RCC2: variants seen among roughly 807,000 people sequenced by gnomAD.
RCC2 encodes protein RCC2.
In RCC2, 19 loss-of-function variants were observed where a neutral mutation model predicts 64.1. That is an observed-to-expected ratio of 0.30 (90% CI 0.21 to 0.44). The LOEUF is 0.44. Among genes scored for constraint, RCC2 ranks in the 20% least tolerant of loss-of-function variants. The pLI, the probability that RCC2 is intolerant of heterozygous loss-of-function variation, is 1.00. For synonymous variants in RCC2, 325 were observed against 279.6 expected, an observed-to-expected ratio of 1.16 and a Z score of -1.62; for missense variants, 508 against 710.4, an observed-to-expected ratio of 0.72 and a Z score of 3.24.
At chr1:17,413,459 T>G in intron 9 of RCC2, 78 bp downstream of exon 9, 1 of 1,413,872 alleles carries the variant, frequency 7.1e-7, no homozygotes, top group East Asian at 2.3e-5. Flanking sequence ...GAATTGGGGT[T>G]CGTGGTCTAG....
Position 17,438,242 on chromosome 1 carries a change from G to A in RCC2, c.273C>T (p.Thr91=). 7.6e-7 allele frequency: 1 copy of A among 1,322,422 alleles called. No individual in the cohort carries two copies. Among genetic ancestry groups the A allele is most frequent in the Non-Finnish European group, 9.8e-7 (1 of 1,017,546 alleles). 81.9% of individuals were successfully genotyped at this position (1,322,422 alleles called of 1,614,324 possible). ...AAVVITEPEH[T]KERVKLEGSK... ...GACCCTCACTCACGACGCGCTCCTT[G>A]GTGTGCTCGGGTTCGGTGATGACCA... The change falls in exon 2 of 13, where the codon ACC becomes ACT. Residue 91 remains threonine, a synonymous_variant. Coordinates refer to ENST00000375436, the MANE Select transcript of RCC2 (RefSeq NM_018715.4).
At chr1:17,436,374 C>G (rs2075735674) in intron 2 of RCC2, among the ~76,000 whole-genome samples, 1 of 152,138 alleles carries the variant, frequency 6.6e-6, no homozygotes, top group African/African-American at 2.4e-5. Context: ...TGTGGTGGAA[C>G]ACACTTGTAA....
chr1:17,439,328 T>A (rs1465868593), intron 1 of RCC2, among the ~76,000 whole-genome samples: 1 of 132,256 alleles, frequency 7.6e-6, no homozygotes, highest in African/African-American at 3.1e-5. Context: ...CTCCCCTGTC[T>A]GCTTTTTTTT....
At chr1:17,426,959 C>T (rs1478726500) in intron 3 of RCC2, among the ~76,000 whole-genome samples, 2 of 151,928 alleles carry the variant, frequency 1.3e-5, no homozygotes, top group African/African-American at 4.8e-5. Flanking sequence ...GAGGGTTTCA[C>T]CATATTGGCC....
Position 17,412,058 on chromosome 1 carries a change from C to A in RCC2, c.1386+64G>T, listed in dbSNP as rs1169433178. ...GTTTTGGGAGACAGGTGGAGAGAACCCAAAGGCCATGAGCCACCCTGACTG... is the reference window on the plus strand; with the variant it reads ...GTTTTGGGAGACAGGTGGAGAGAACACAAAGGCCATGAGCCACCCTGACTG... On this transcript the variant is annotated intron_variant, in intron 11 of 12. Coordinates refer to ENST00000375436, the MANE Select transcript of RCC2 (RefSeq NM_018715.4). The A allele has an allele frequency of 2.7e-6, 4 of 1,455,174 alleles. No individual in the cohort carries two copies. In the Admixed American group the frequency reaches 6.8e-5, roughly 25 times the overall value. The allele number at this position is 1,455,174 out of a possible 1,614,324, so 90.1% of individuals were successfully genotyped here. A position where few individuals can be genotyped will look rare whatever the true frequency, so the allele number is the denominator to read the frequency against.
intron 8 of RCC2, among the ~76,000 whole-genome samples, chr1:17,415,157 C>T (rs1179266677): frequency 2.6e-5 from 4 of 152,216 alleles, no homozygotes; most frequent in African/African-American, 9.6e-5. Context: ...CTTTATTTCC[C>T]CTGACTACAT....
chr1:17,420,337 A>C (rs1231505764), intron 7 of RCC2, among the ~76,000 whole-genome samples: 1 of 152,258 alleles, frequency 6.6e-6, no homozygotes, highest in Admixed American at 6.5e-5. Flanking sequence ...CAGGGTTTCC[A>C]GAACAACGTT....
Position 17,409,011 on chromosome 1 carries a change from CG to C in RCC2, c.*78del. The C allele has an allele frequency of 8.9e-7, 1 of 1,123,086 alleles. No individual in the cohort carries two copies. The highest frequency in any genetic ancestry group is 1.2e-5 in the South Asian group (1 of 80,164). 69.6% of individuals were successfully genotyped at this position (1,123,086 alleles called of 1,614,324 possible). A position where few individuals can be genotyped will look rare whatever the true frequency, so the allele number is the denominator to read the frequency against. On this transcript the variant is annotated 3_prime_UTR_variant, in exon 13 of 13. Transcript: ENST00000375436. ...TCAACTTTTGCTTTTTTAAATTCCT[CG>C]TTTGACTTCCCGTCCCAGTGCACAT...
intron 10 of RCC2, among the ~76,000 whole-genome samples, chr1:17,412,843 A>G (rs1234081753): frequency 2.0e-5 from 3 of 152,192 alleles, no homozygotes; most frequent in Non-Finnish European, 4.4e-5. Context: ...AAACCTTCAA[A>G]ATGACTTTCT....
chr1:17,422,132 C>G, intron 6 of RCC2, 71 bp downstream of exon 6: 1 of 1,124,028 alleles, frequency 8.9e-7, no homozygotes, highest in Non-Finnish European at 1.3e-6. Context: ...ACGGAGACCC[C>G]ACCTTAGAAA....
rs2075444584 is a variant in RCC2 at position 17,413,096 on chromosome 1, C to G, written c.1290G>C (p.Trp430Cys). 1 of 1,613,816 alleles carries G rather than the reference C, an allele frequency of 6.2e-7. No individual in the cohort carries two copies. The highest frequency in any genetic ancestry group is 1.3e-5 in the African/African-American group (1 of 74,920). The change falls in exon 10 of 13, where the codon TGG (tryptophan) becomes TGC (cysteine). Residue 430 changes from tryptophan (W) to cysteine (C), a missense_variant. Transcript: ENST00000375436. ...YPKAVQDLCG[W>C]RIRSLACGKS... ...ACCCACAAGCCAGGCTCCGGATTCT[C>G]CAGCCGCAGAGGTCCTGCACTGCTT...
intron 3 of RCC2, among the ~76,000 whole-genome samples, chr1:17,426,274 C>A (rs2075615199): frequency 6.6e-6 from 1 of 152,136 alleles, no homozygotes; most frequent in Non-Finnish European, 1.5e-5. Context: ...CCCAGCAGCT[C>A]CATCAGGCCC....
At position 17,438,203 on chromosome 1, in the gene RCC2, CACCCGTCT is replaced by C; in HGVS notation, c.285+19_285+26del. ...AGCCCGCCGGCCCCGGCCCTGCGCCCACCCGTCTACCCTGACCCTCACTCACGACGCGC... is the reference window on the plus strand; with the variant it reads ...AGCCCGCCGGCCCCGGCCCTGCGCCCACCCTGACCCTCACTCACGACGCGC... On this transcript the variant is annotated intron_variant, in intron 2 of 12. Coordinates refer to ENST00000375436, the MANE Select transcript of RCC2 (RefSeq NM_018715.4). 1 of 1,204,986 alleles carries C rather than the reference CACCCGTCT, an allele frequency of 8.3e-7. No homozygotes were observed. The highest frequency in any genetic ancestry group is 1.0e-6 in the Non-Finnish European group (1 of 956,910). 74.6% of individuals were successfully genotyped at this position (1,204,986 alleles called of 1,614,324 possible). A position where few individuals can be genotyped will look rare whatever the true frequency, so the allele number is the denominator to read the frequency against.
chr1:17,437,561 G>A (rs1245285006), intron 2 of RCC2, among the ~76,000 whole-genome samples: 2 of 152,118 alleles, frequency 1.3e-5, no homozygotes, highest in Middle Eastern at 3.2e-3. Context: ...ACTTGGGGGG[G>A]CTACAACAGA....
At chr1:17,439,330 CTTT>C (rs34171604) in intron 1 of RCC2, among the ~76,000 whole-genome samples, 8 of 139,378 alleles carry the variant, frequency 5.7e-5, no homozygotes, top group Admixed American at 1.4e-4. Context: ...CCCCTGTCTG[CTTT>C]TTTTTTTTTT....
rs538700490 is a variant in RCC2 at position 17,438,629 on chromosome 1, C to T, written c.-8-107G>A. ...GGCCTCCACTTCCTCCTCTGCCCTC[C>T]CCAAAGTGGCGGCCGCAGGGTGGGC... is the stretch of plus-strand genomic sequence containing the variant. On this transcript the variant is annotated intron_variant, in intron 1 of 12. Transcript: ENST00000375436. 1.3e-5 allele frequency: 15 copies of T among 1,136,436 alleles called. No homozygotes were observed. The East Asian group carries it at 4.8e-4, about 36-fold the overall frequency. 70.4% of individuals were successfully genotyped at this position (1,136,436 alleles called of 1,614,324 possible). A position where few individuals can be genotyped will look rare whatever the true frequency, so the allele number is the denominator to read the frequency against.
intron 3 of RCC2, 114 bp from the exon 4 acceptor site, chr1:17,425,798 G>C: frequency 9.0e-7 from 1 of 1,105,902 alleles, no homozygotes; most frequent in Non-Finnish European, 1.3e-6. Flanking sequence ...GGTGTTCCTC[G>C]GGTGCCACCC....
Position 17,429,031 on chromosome 1 carries a change from C to G in RCC2, c.379+75G>C. On this transcript the variant is annotated intron_variant, in intron 3 of 12. Coordinates refer to ENST00000375436, the MANE Select transcript of RCC2 (RefSeq NM_018715.4). ...AATGCATTTGTAAATGAAGGGAATACCTACCAGGCAGGTGGTCAACAGAAC... is the reference window on the plus strand; with the variant it reads ...AATGCATTTGTAAATGAAGGGAATAGCTACCAGGCAGGTGGTCAACAGAAC... 4 of 1,136,178 alleles carry G rather than the reference C, an allele frequency of 3.5e-6. No individual in the cohort carries two copies. The South Asian group carries it at 3.7e-5, about 11-fold the overall frequency. The allele number at this position is 1,136,178 out of a possible 1,614,324, so 70.4% of individuals were successfully genotyped here. A position where few individuals can be genotyped will look rare whatever the true frequency, so the allele number is the denominator to read the frequency against.
At chr1:17,419,934 C>CT (rs1386723739) in intron 7 of RCC2, among the ~76,000 whole-genome samples, 2 of 152,250 alleles carry the variant, frequency 1.3e-5, no homozygotes, top group Non-Finnish European at 2.9e-5. Flanking sequence ...CACAAAGTCA[C>CT]TGTTCCCCGA....
Sources: allele counts gnomAD v4.1 joint callset (sites outside exome capture counted in the v4.1 genomes callset), GRCh38; gene constraint gnomAD v4.1.1; transcripts MANE v1.5; gene names NCBI Gene and HGNC (gene_info 2026-07-23, HGNC 2026-07-21).